Variants in GABBR2 observed in about 807,000 individuals in gnomAD.
The protein encoded by GABBR2 is gamma-aminobutyric acid type B receptor subunit 2.
A neutral mutation model predicts 105.6 loss-of-function variants in GABBR2; 23 were observed. That is an observed-to-expected ratio of 0.22 (90% CI 0.16 to 0.31). The LOEUF is 0.31. Ranked by LOEUF, GABBR2 falls within the 10% of genes least tolerant of loss-of-function variation. GABBR2 has a pLI of 1.00. For missense variants in GABBR2, 734 were observed against 1,245.5 expected (o/e 0.59, Z 6.18); for synonymous variants, 478 against 499.7 (o/e 0.96, Z 0.58).
At chr9:98,618,490 CTCTCT>C (rs1829620773) in intron 1 of GABBR2, among the ~76,000 whole-genome samples, 1 of 13,272 alleles carries the variant, frequency 7.5e-5, no homozygotes, top group Non-Finnish European at 2.5e-4. Flanking sequence ...TGCTGCATCT[CTCTCT>C]CTCTCTCTCT....
intron 3 of GABBR2, among the ~76,000 whole-genome samples, chr9:98,524,159 T>C (rs1827916562): frequency 6.6e-6 from 1 of 152,140 alleles, no homozygotes; most frequent in Non-Finnish European, 1.5e-5. Context: ...CAAAGATAAC[T>C]TGTAAAAAGG....
intron 13 of GABBR2, among the ~76,000 whole-genome samples, chr9:98,315,616 T>A (rs1269503021): frequency 6.6e-6 from 1 of 152,234 alleles, no homozygotes; most frequent in Non-Finnish European, 1.5e-5. Context: ...TGGGGAGAGA[T>A]GCACCTGAGC....
chr9:98,487,757 T>A (rs1033544214), intron 4 of GABBR2, among the ~76,000 whole-genome samples: 3 of 151,972 alleles, frequency 2.0e-5, no homozygotes, highest in Non-Finnish European at 2.9e-5. Context: ...CAGCCTGGGT[T>A]ACAGAGTGAG....
Position 98,514,420 on chromosome 9 carries a change from AAT to A in GABBR2, c.631-17908_631-17907del, listed in dbSNP as rs35535009. On this transcript the variant is annotated intron_variant, in intron 3 of 18. Coordinates refer to ENST00000259455, the MANE Select transcript of GABBR2 (RefSeq NM_005458.8). ...AAAGTATAATAATAATAATAATAAT[AAT>A]AAAAAAGAAAATGTGGCACATACAC... 1.1e-4 allele frequency among the ~76,000 whole-genome samples: 10 copies of A among 89,948 alleles called. 2 individuals are homozygous for A. Among genetic ancestry groups the A allele is most frequent in the Non-Finnish European group, 1.8e-4 (6 of 34,182 alleles). 59.0% of individuals were successfully genotyped at this position (89,948 alleles called of 152,430 possible).
intron 7 of GABBR2, among the ~76,000 whole-genome samples, chr9:98,425,891 C>G (rs1825676984): frequency 6.6e-6 from 1 of 152,154 alleles, no homozygotes; most frequent in African/African-American, 2.4e-5. Flanking sequence ...CAGGGCAGGT[C>G]CGGGAAGGCT....
chr9:98,544,358 G>A lies in GABBR2; in HGVS notation c.460-2315C>T, dbSNP rs574269045. Among the ~76,000 whole-genome samples the A allele has an allele frequency of 2.0e-5, 3 of 152,216 alleles. No homozygotes were observed. The South Asian group carries it at 6.2e-4, about 32-fold the overall frequency. On this transcript the variant is annotated intron_variant, in intron 2 of 18. Coordinates refer to ENST00000259455, the MANE Select transcript of GABBR2 (RefSeq NM_005458.8). ...AGACAGCCACTCTCTAGAATTGCTG[G>A]ATCTCCTATCTATTGGAGCTGACCA...
At chr9:98,422,570 C>T (rs1274114892) in intron 7 of GABBR2, among the ~76,000 whole-genome samples, 2 of 151,556 alleles carry the variant, frequency 1.3e-5, no homozygotes, top group African/African-American at 4.9e-5. Flanking sequence ...AGAATCATAA[C>T]CAGCAGATTA....
intron 4 of GABBR2, among the ~76,000 whole-genome samples, chr9:98,493,948 T>C (rs73505055): frequency 2.6e-5 from 4 of 152,102 alleles, no homozygotes; most frequent in Non-Finnish European, 5.9e-5. Context: ...GTAAAATGAA[T>C]AGAAGTCCAG....
chr9:98,292,661 A>G (rs1830319677), intron 18 of GABBR2, among the ~76,000 whole-genome samples: 1 of 152,226 alleles, frequency 6.6e-6, no homozygotes, highest in South Asian at 2.1e-4. Context: ...GAAGTCCAGG[A>G]CAAAAAGGGA....
At chr9:98,467,494 A>G (rs1473306162) in intron 6 of GABBR2, among the ~76,000 whole-genome samples, 4 of 152,178 alleles carry the variant, frequency 2.6e-5, no homozygotes, top group African/African-American at 9.7e-5. Flanking sequence ...AGCGCTGTGA[A>G]GCTGGGCTCT....
At chr9:98,321,193 A>G (rs1178096241) in intron 13 of GABBR2, among the ~76,000 whole-genome samples, 2 of 152,072 alleles carry the variant, frequency 1.3e-5, no homozygotes, top group Non-Finnish European at 2.9e-5. Context: ...AGGAGGTCCC[A>G]GCTGACGTGG....
chr9:98,538,706 T>A, intron 3 of GABBR2: 1 of 390,592 alleles, frequency 2.6e-6, no homozygotes, highest in Non-Finnish European at 3.5e-6. Context: ...TTTCTTTCAC[T>A]TGACATTCCT....
At chr9:98,618,530 G>A (rs1009496206) in intron 1 of GABBR2, among the ~76,000 whole-genome samples, 2 of 139,720 alleles carry the variant, frequency 1.4e-5, no homozygotes. Context: ...CTGTCTCTCT[G>A]ACTCTTTCTG....
chr9:98,515,302 T>G (rs943908537), intron 3 of GABBR2, among the ~76,000 whole-genome samples: 3 of 152,146 alleles, frequency 2.0e-5, no homozygotes, highest in Admixed American at 1.3e-4. Flanking sequence ...TTCTCACCCC[T>G]GCAGAAATAG....
intron 1 of GABBR2, among the ~76,000 whole-genome samples, chr9:98,699,312 G>T (rs1028414764): frequency 4.6e-5 from 7 of 152,076 alleles, no homozygotes; most frequent in African/African-American, 1.7e-4. Flanking sequence ...CATCAGCTTT[G>T]CACCAAATCT....
chr9:98,698,526 G>A (rs891386853), intron 1 of GABBR2, among the ~76,000 whole-genome samples: 1 of 149,712 alleles, frequency 6.7e-6, no homozygotes, highest in Non-Finnish European at 1.5e-5. Context: ...TTGAGATGGA[G>A]TCTCATTCTG....
chr9:98,613,190 A>G (rs1007831220), intron 1 of GABBR2, among the ~76,000 whole-genome samples: 4 of 152,120 alleles, frequency 2.6e-5, no homozygotes, highest in African/African-American at 9.7e-5. Flanking sequence ...TATAATTCCA[A>G]CACCTTGGGA....
intron 3 of GABBR2, among the ~76,000 whole-genome samples, chr9:98,536,582 T>C (rs1828186582): frequency 6.6e-6 from 1 of 152,082 alleles, no homozygotes; most frequent in African/African-American, 2.4e-5. Context: ...GCAGTGCCCA[T>C]GTGACATCAC....
At chr9:98,375,593 G>A (rs1223541590) in intron 11 of GABBR2, among the ~76,000 whole-genome samples, 1 of 152,220 alleles carries the variant, frequency 6.6e-6, no homozygotes, top group Non-Finnish European at 1.5e-5. Flanking sequence ...TTGAGCCTGA[G>A]CAAGCAAATT....
Sources: gnomAD v4.1 joint callset for allele counts (sites outside exome capture counted in the v4.1 genomes callset) on GRCh38, gnomAD v4.1.1 for gene constraint, MANE v1.5 for transcripts, NCBI Gene and HGNC (gene_info 2026-07-23, HGNC 2026-07-21) for gene names.